Variants in ADCY3 observed in about 807,000 individuals in gnomAD.
The protein encoded by ADCY3 is adenylate cyclase type 3.
A neutral mutation model predicts 119.4 loss-of-function variants in ADCY3; 70 were observed. The observed-to-expected ratio is 0.59, with a 90% CI of 0.48 to 0.72. The LOEUF (loss-of-function observed/expected upper bound fraction) is 0.72. Among genes scored for constraint, ADCY3 ranks in the 30% least tolerant of loss-of-function variants. ADCY3 has a pLI of 0.00. For synonymous variants in ADCY3, 672 were observed against 621.4 expected, an observed-to-expected ratio of 1.08 and a Z score of -1.21; for missense variants, 1,238 against 1,541.6, an observed-to-expected ratio of 0.80 and a Z score of 3.30.
chr2:24,825,677 C>A, intron 16 of ADCY3: 1 of 217,882 alleles, frequency 4.6e-6, no homozygotes, highest in Non-Finnish European at 9.0e-6. Flanking sequence ...TCTCTTCTGG[C>A]TCTGTGGTCA....
At chr2:24,825,290 C>T (rs1001155076) in intron 16 of ADCY3, among the ~76,000 whole-genome samples, 2 of 145,202 alleles carry the variant, frequency 1.4e-5, no homozygotes, top group Non-Finnish European at 3.0e-5. Flanking sequence ...TCCCTCTCTT[C>T]CTTCTCTTTT....
At chr2:24,863,721 C>T (rs184387589) in intron 3 of ADCY3, among the ~76,000 whole-genome samples, 6 of 152,204 alleles carry the variant, frequency 3.9e-5, no homozygotes, top group Admixed American at 3.9e-4. Flanking sequence ...ATATTCTTGC[C>T]AAATATTACA....
chr2:24,841,610 C>T lies in ADCY3; in HGVS notation c.1014G>A (p.Gln338=), dbSNP rs1390585432. 6.2e-7 allele frequency: 1 copy of T among 1,613,580 alleles called. No homozygotes were observed. The highest frequency in any genetic ancestry group is 8.5e-7 in the Non-Finnish European group (1 of 1,180,006). The change falls in exon 5 of 22, where the codon CAG becomes CAA. Residue 338 remains glutamine, a synonymous_variant. Transcript: ENST00000679454. This position sits in a 1 kb window ranked among gnomAD's most constrained non-coding sequence, Gnocchi z 5.8. ...GCTCGTTGAGCAGCTTCACAAGCTC[C>T]TGGGCACTGCAGGCAGAAGACAGCT... The part of the protein sequence containing the change: ...FTQLSSACSA[Q]ELVKLLNELF...
intron 2 of ADCY3, among the ~76,000 whole-genome samples, chr2:24,917,879 C>G (rs957691998): frequency 6.6e-6 from 1 of 152,202 alleles, no homozygotes; most frequent in South Asian, 2.1e-4. Flanking sequence ...GCAGAGCGGA[C>G]GTTATCCCCA....
At chr2:24,901,315 G>A (rs1407290935) in intron 2 of ADCY3, among the ~76,000 whole-genome samples, 1 of 152,174 alleles carries the variant, frequency 6.6e-6, no homozygotes, top group Non-Finnish European at 1.5e-5. Flanking sequence ...AATCACTTAT[G>A]TTTAGTCCCA....
At chr2:24,857,699 T>C (rs1349438440) in intron 3 of ADCY3, among the ~76,000 whole-genome samples, 1 of 152,054 alleles carries the variant, frequency 6.6e-6, no homozygotes, top group Admixed American at 6.6e-5. Flanking sequence ...ATGCGGAGGG[T>C]TCGTATCTGT....
chr2:24,822,941 A>G (rs1228563909), intron 18 of ADCY3, among the ~76,000 whole-genome samples: 2 of 152,170 alleles, frequency 1.3e-5, no homozygotes, highest in Non-Finnish European at 2.9e-5. Flanking sequence ...GAATTTGAGG[A>G]GACAGTCCCA....
At chr2:24,821,395 G>T in intron 20 of ADCY3, 122 bp downstream of exon 20, 1 of 1,410,582 alleles carries the variant, frequency 7.1e-7, no homozygotes, top group Non-Finnish European at 9.6e-7. Flanking sequence ...CCCTGTGAGT[G>T]CGTGAACCTC....
At chr2:24,912,559 G>A (rs1663864039) in intron 2 of ADCY3, among the ~76,000 whole-genome samples, 1 of 77,608 alleles carries the variant, frequency 1.3e-5, no homozygotes, top group African/African-American at 7.5e-5. Context: ...GCATGTGTGT[G>A]TGTGTGTGCA....
chr2:24,844,412 G>A (rs960179177), intron 3 of ADCY3, among the ~76,000 whole-genome samples: 9 of 152,110 alleles, frequency 5.9e-5, no homozygotes, highest in Admixed American at 1.3e-4. Context: ...ACAGGAGCAG[G>A]AGCCAGGGAC....
rs144639609 is a variant in ADCY3 at position 24,863,877 on chromosome 2, T to C, written c.825+8693A>G. Among the ~76,000 whole-genome samples, 224 of 152,282 alleles carry C rather than the reference T, an allele frequency of 1.5e-3. 2 individuals carry two copies. The highest frequency in any genetic ancestry group is 5.1e-3 in the African/African-American group (214 of 41,578). On this transcript the variant is annotated intron_variant, in intron 3 of 21. Coordinates refer to ENST00000679454, the MANE Select transcript of ADCY3 (RefSeq NM_004036.5). ...GTTCCCTGGGGCTGGGGTTTTCAAA[T>C]AGGAATCCTTTGGGGAGGGTTTCCA...
In ADCY3 at chr2:24,822,640, G is replaced by C. The variant is rs1667948119; in HGVS notation, c.2884-10C>G. On this transcript the variant is annotated splice_polypyrimidine_tract_variant and intron_variant, in intron 18 of 21. Coordinates refer to ENST00000679454, the MANE Select transcript of ADCY3 (RefSeq NM_004036.5). ...TGGGATTGTCCAGGAGCTGAGGCCA[G>C]GATTCAGGAAAGAATTGTCAGCAGT... The C allele has an allele frequency of 6.2e-7, 1 of 1,613,252 alleles. No individual in the cohort carries two copies.
In ADCY3 at chr2:24,872,629, G is replaced by A. The variant is rs114534287; in HGVS notation, c.766C>T (p.Leu256=). The change falls in exon 3 of 22, where the codon CTG becomes TTG. Residue 256 remains leucine (L), a synonymous_variant. Coordinates refer to ENST00000679454, the MANE Select transcript of ADCY3 (RefSeq NM_004036.5). The surrounding 1 kb of genome is among the most constrained non-coding windows in gnomAD (Gnocchi z 4.4). Reference sequence around the variant, plus strand: ...ACCTCCAGCGACTGGCGGGCCTCCAGGAAGGCCTTGCGGTGCTTGCGGTCA... The same window carrying A: ...ACCTCCAGCGACTGGCGGGCCTCCAAGAAGGCCTTGCGGTGCTTGCGGTCA... ...MADRKHRKAF[L]EARQSLEVKM... is the part of the protein sequence containing the mutation. 277 of 1,614,244 alleles carry A rather than the reference G, an allele frequency of 1.7e-4. 1 individual carries two copies. In the African/African-American group the frequency reaches 3.3e-3, roughly 19 times the overall value.
chr2:24,838,719 C>T (rs575613216), intron 7 of ADCY3, 97 bp from the exon 8 acceptor site: 34 of 1,587,882 alleles, frequency 2.1e-5, no homozygotes, highest in Middle Eastern at 1.9e-4. Context: ...GGCTGCTGCT[C>T]GGCCCCGTGT....
At position 24,842,583 on chromosome 2, in the gene ADCY3, G is replaced by A; in HGVS notation, c.826-199C>T. ...CAGCTTCTGGCCCTGACAAGGCTGA[G>A]GGTGGCAATGGCCCCTTCAGAGCAA... is the stretch of plus-strand genomic sequence containing the variant. On this transcript the variant is annotated intron_variant, in intron 3 of 21. Transcript: ENST00000679454. This position sits in a 1 kb window ranked among gnomAD's most constrained non-coding sequence, Gnocchi z 4.9. 1.6e-6 allele frequency: 1 copy of A among 628,796 alleles called. No homozygotes were observed. Among genetic ancestry groups the A allele is most frequent in the Non-Finnish European group, 2.7e-6 (1 of 371,744 alleles). 39.0% of individuals were successfully genotyped at this position (628,796 alleles called of 1,614,324 possible).
intron 3 of ADCY3, among the ~76,000 whole-genome samples, chr2:24,853,518 G>A (rs1347176962): frequency 7.1e-6 from 1 of 141,176 alleles, no homozygotes; most frequent in Non-Finnish European, 1.5e-5. Context: ...CACCCAGGCT[G>A]GAGTGCAATG....
At chr2:24,874,711 C>A (rs13394814) in intron 2 of ADCY3, among the ~76,000 whole-genome samples, 5,450 of 152,208 alleles carry the variant, frequency 0.036, 157 homozygotes, top group African/African-American at 0.077. Context: ...CTCAGCTCAC[C>A]GGTGAAACTG....
chr2:24,888,111 AC>A (rs1220683961), intron 2 of ADCY3, among the ~76,000 whole-genome samples: 1 of 152,248 alleles, frequency 6.6e-6, no homozygotes, highest in African/African-American at 2.4e-5. Flanking sequence ...CTCTGTATCC[AC>A]AGATTCAACA....
intron 2 of ADCY3, among the ~76,000 whole-genome samples, chr2:24,910,911 C>G (rs1400305258): frequency 6.6e-6 from 1 of 152,084 alleles, no homozygotes; most frequent in Non-Finnish European, 1.5e-5. Context: ...TTCCAAAGTG[C>G]CGGGATTACA....
Sources: allele counts gnomAD v4.1 joint callset (sites outside exome capture counted in the v4.1 genomes callset), GRCh38; gene constraint gnomAD v4.1.1; non-coding constraint Gnocchi (gnomAD v3.1); transcripts MANE v1.5; gene names NCBI Gene and HGNC (gene_info 2026-07-23, HGNC 2026-07-21).